The following DMBT1 variants were observed in gnomAD, a reference collection of about 807,000 sequenced individuals.
DMBT1 encodes scavenger receptor cysteine-rich domain-containing protein DMBT1.
Under a neutral mutation model 252.9 loss-of-function variants are expected in DMBT1, and 198 were observed. The observed-to-expected ratio is 0.78, with a 90% confidence interval of 0.70 to 0.88. DMBT1 has a LOEUF of 0.88. Ranked by LOEUF, DMBT1 falls within the 40% of genes least tolerant of loss-of-function variation. The probability of loss-of-function intolerance (pLI) is 0.00; values close to 1 mark genes in which losing one functional copy is unlikely to be tolerated. For missense variants in DMBT1, 2,432 were observed against 2,404.7 expected, an observed-to-expected ratio of 1.01 and a Z score of -0.24; for synonymous variants, 990 against 942.7, an observed-to-expected ratio of 1.05 and a Z score of -0.92.
intron 44 of DMBT1, among the ~76,000 whole-genome samples, chr10:122,622,118 A>G (rs1310711045): frequency 1.3e-5 from 2 of 152,222 alleles, no homozygotes; most frequent in Admixed American, 6.5e-5. Context: ...TGGACATCAC[A>G]TCCAGACACA....
Position 122,591,089 on chromosome 10 carries a change from C to T in DMBT1, c.2138-390C>T, listed in dbSNP as rs369872145. Reference sequence around the variant, plus strand: ...CAGGGAGAGCGATATTAGATATTTCCGTTGCCTCCACTTGCCAGGAGACTT... The same window carrying T: ...CAGGGAGAGCGATATTAGATATTTCTGTTGCCTCCACTTGCCAGGAGACTT... On this transcript the variant is annotated intron_variant, in intron 18 of 55. Transcript: ENST00000338354. 7.4e-5 allele frequency among the ~76,000 whole-genome samples: 11 copies of T among 148,642 alleles called. 1 individual carries two copies. The highest frequency in any genetic ancestry group is 1.9e-4 in the African/African-American group (8 of 41,220).
chr10:122,637,080 T>G (rs1051292704), intron 53 of DMBT1, 48 bp from the exon 54 acceptor site: 24 of 1,564,652 alleles, frequency 1.5e-5, no homozygotes, highest in Non-Finnish European at 2.1e-5. Context: ...GTAGGACTTG[T>G]GGAGTCTGGG....
Position 122,643,439 on chromosome 10 carries a change from C to T in DMBT1, c.*41C>T. ...CCCCACTGTCCACCGGGGCGCAGAC[C>T]CCTGACTCGGGGACTTGGGATGTTC... is the stretch of plus-strand genomic sequence containing the variant. On this transcript the variant is annotated 3_prime_UTR_variant, in exon 56 of 56. Transcript: ENST00000338354. The T allele has an allele frequency of 1.3e-6, 2 of 1,573,036 alleles. No homozygotes were observed. The highest frequency in any genetic ancestry group is 1.7e-6 in the Non-Finnish European group (2 of 1,157,722).
Position 122,637,595 on chromosome 10 carries a change from G to A in DMBT1, c.6942+283G>A, listed in dbSNP as rs150224109. Among the ~76,000 whole-genome samples the A allele has an allele frequency of 5.9e-3, 902 of 152,342 alleles. 6 individuals are homozygous for A. The highest frequency in any genetic ancestry group is 0.027 in the Middle Eastern group (8 of 294). ...ATCAGCAATAACAACAGCAGCTCCTGGAGCAGCTCCAGATTTTGCAGGGCC... is the reference window on the plus strand; with the variant it reads ...ATCAGCAATAACAACAGCAGCTCCTAGAGCAGCTCCAGATTTTGCAGGGCC... On this transcript the variant is annotated intron_variant, in intron 54 of 55. Transcript: ENST00000338354.
At chr10:122,577,663 G>A (rs2097724708) in intron 7 of DMBT1, 148 bp from the exon 8 acceptor site, 1 of 788,070 alleles carries the variant, frequency 1.3e-6, no homozygotes, top group Non-Finnish European at 2.0e-6. Context: ...AGGGACCGAG[G>A]GCTTCACGGT....
rs1474412351 is a variant in DMBT1, at chr10:122,633,258, G to A, written c.6465G>A (p.Gly2155=). 1 of 1,613,964 alleles carries A rather than the reference G, an allele frequency of 6.2e-7. No homozygotes were observed. Among genetic ancestry groups the A allele is most frequent in the Non-Finnish European group, 8.5e-7 (1 of 1,179,894 alleles). The stretch of plus-strand genomic sequence containing the variant: ...ACTTTTCCAGCCCATTCTATCCCGG[G>A]AACTATCCAAACAATGCCAAGTGTG... ...SGDFSSPFYP[G]NYPNNAKCVW... Residue 2155 remains glycine, a synonymous_variant, in exon 52 of 56, where the codon GGG becomes GGA. Coordinates refer to ENST00000338354, the MANE Select transcript of DMBT1 (RefSeq NM_001377530.1).
chr10:122,629,714 C>T, intron 46 of DMBT1, 126 bp from the exon 47 acceptor site: 2 of 1,181,394 alleles, frequency 1.7e-6, no homozygotes, highest in Non-Finnish European at 2.4e-6. Flanking sequence ...GACTTGTTTA[C>T]AGGGAAAGTT....
At chr10:122,597,919 T>C in intron 24 of DMBT1, 55 bp from the exon 25 acceptor site, 1 of 1,613,280 alleles carries the variant, frequency 6.2e-7, no homozygotes, top group East Asian at 2.2e-5. Context: ...CCTTTCCTTT[T>C]GGAGATTTTC....
At chr10:122,573,812 C>T (rs1411657781) in intron 6 of DMBT1, 50 bp downstream of exon 6, 1 of 1,595,926 alleles carries the variant, frequency 6.3e-7, no homozygotes. Flanking sequence ...CCCCTGCACC[C>T]CTAGGTTAAT....
chr10:122,579,091 G>A (rs752964483), intron 9 of DMBT1, among the ~76,000 whole-genome samples: 8 of 152,156 alleles, frequency 5.3e-5, no homozygotes, highest in Middle Eastern at 6.8e-3. Context: ...GAGGGTGGAG[G>A]GTGCTGGTGA....
chr10:122,626,037 G>T, intron 46 of DMBT1, 72 bp downstream of exon 46: 5 of 1,307,652 alleles, frequency 3.8e-6, no homozygotes, highest in Non-Finnish European at 3.3e-6. Context: ...ATCCATGAGC[G>T]AATGCTCTGC....
intron 7 of DMBT1, 62 bp downstream of exon 7, chr10:122,576,784 T>C: frequency 1.9e-6 from 3 of 1,599,184 alleles, no homozygotes; most frequent in East Asian, 2.2e-5. Context: ...CCCCACACTT[T>C]GGGAGGATGA....
chr10:122,599,069 T>C lies in DMBT1; in HGVS notation c.3252T>C (p.His1084=), dbSNP rs1350285109. ...HNGWLSHNCG[H]SEDAGVICSA... ...GCTGGCTCTCCCACAACTGTGGCCATAGTGAAGACGCTGGTGTCATCTGCT... is the reference window on the plus strand; with the variant it reads ...GCTGGCTCTCCCACAACTGTGGCCACAGTGAAGACGCTGGTGTCATCTGCT... Residue 1084 remains histidine (H), a synonymous_variant, in exon 26 of 56, where the codon CAT becomes CAC. Coordinates refer to ENST00000338354, the MANE Select transcript of DMBT1 (RefSeq NM_001377530.1). The C allele has an allele frequency of 6.2e-7, 1 of 1,613,832 alleles. No homozygotes were observed. Among genetic ancestry groups the C allele is most frequent in the South Asian group, 1.1e-5 (1 of 91,076 alleles).
intron 6 of DMBT1, 21 bp downstream of exon 6, chr10:122,573,783 TCCCTGTAGGCTCATTACCC>T (rs1286400437): frequency 1.2e-6 from 2 of 1,611,856 alleles, no homozygotes; most frequent in Non-Finnish European, 1.7e-6. Flanking sequence ...CTATGGGGGA[TCCCTGTAGGCTCATTACCC>T]CCCTGCACCC....
intron 7 of DMBT1, among the ~76,000 whole-genome samples, chr10:122,577,209 G>A (rs990650102): frequency 5.3e-5 from 8 of 152,214 alleles, no homozygotes; most frequent in Non-Finnish European, 7.3e-5. Flanking sequence ...GGGACAGCAC[G>A]TTTTGGGGAT....
chr10:122,619,401 C>G, intron 42 of DMBT1, 64 bp downstream of exon 42: 1 of 1,597,514 alleles, frequency 6.3e-7, no homozygotes, highest in Non-Finnish European at 8.6e-7. Flanking sequence ...CTCTTCCCCA[C>G]TCCACAGAGC....
chr10:122,592,265 C>T lies in DMBT1; in HGVS notation c.2177-7C>T. Reference sequence around the variant, plus strand: ...GATGGATAAAGGGTTCTTGTGTTCCCCTGTAGGATCTGAATCCAGTTTGAC... The same window carrying T: ...GATGGATAAAGGGTTCTTGTGTTCCTCTGTAGGATCTGAATCCAGTTTGAC... On this transcript the variant is annotated splice_polypyrimidine_tract_variant and splice_region_variant and intron_variant, in intron 19 of 55. Coordinates refer to ENST00000338354, the MANE Select transcript of DMBT1 (RefSeq NM_001377530.1). The T allele has an allele frequency of 6.3e-7, 1 of 1,586,152 alleles. No homozygotes were observed. Among genetic ancestry groups the T allele is most frequent in the Non-Finnish European group, 8.6e-7 (1 of 1,165,248 alleles).
chr10:122,588,897 T>G, intron 16 of DMBT1, 47 bp from the exon 17 acceptor site: 5 of 1,585,458 alleles, frequency 3.2e-6, no homozygotes, highest in Non-Finnish European at 4.3e-6. Flanking sequence ...CTTAGATCCT[T>G]GACCTGCTGA....
chr10:122,636,174 C>A lies in DMBT1; in HGVS notation c.6732C>A (p.Tyr2244Ter), dbSNP rs1323660881. The A allele has an allele frequency of 3.1e-6, 5 of 1,613,764 alleles. No individual in the cohort carries two copies. Among genetic ancestry groups the A allele is most frequent in the Non-Finnish European group, 4.2e-6 (5 of 1,179,760 alleles). ...GGAGAGGGTTCCGGGCTGAGTACTA[C>A]TCCAGTCCCTCCAATGACAGCACCA... ...ITRRGFRAEYYSSPSNDSTNL... is the reference protein window; with the variant it reads ...ITRRGFRAEY The change falls in exon 53 of 56, where the codon TAC (tyrosine) becomes TAA (stop). Residue 2244 changes from tyrosine to a stop codon, truncating the protein, a stop_gained. Transcript: ENST00000338354. LOFTEE classifies it high-confidence loss of function.
Sources: allele counts gnomAD v4.1 joint callset (sites outside exome capture counted in the v4.1 genomes callset), GRCh38; gene constraint gnomAD v4.1.1; transcripts MANE v1.5; gene names NCBI Gene and HGNC (gene_info 2026-07-23, HGNC 2026-07-21).